The following CAP2 variants were observed in gnomAD, a reference collection of about 807,000 sequenced individuals.
CAP2 encodes the protein cyclase associated actin cytoskeleton regulatory protein 2.
Under a neutral mutation model 57.7 loss-of-function variants are expected in CAP2, and 24 were observed. The observed-to-expected ratio is 0.42, with a 90% confidence interval of 0.30 to 0.58. The LOEUF (loss-of-function observed/expected upper bound fraction) is 0.58, where lower values mean the gene tolerates loss of function less well. CAP2 is among the 20% of genes least tolerant of loss of function. The pLI is 0.22. For missense variants in CAP2, 501 were observed against 590.3 expected, an observed-to-expected ratio of 0.85 and a Z score of 1.57; for synonymous variants, 194 against 207.2, an observed-to-expected ratio of 0.94 and a Z score of 0.55.
rs187505558 is a variant in CAP2 at position 17,483,874 on chromosome 6, C to T, written c.300+20801C>T. On this transcript the variant is annotated intron_variant, in intron 4 of 12. Coordinates refer to ENST00000229922, the MANE Select transcript of CAP2 (RefSeq NM_006366.3). ...AAGGAGCACTCATGAACTCTGCACA[C>T]GAGCACCCTGAAAAAACCCAGAGGA... 1.1e-3 allele frequency among the ~76,000 whole-genome samples: 172 copies of T among 152,076 alleles called. 1 individual carries two copies. In the Middle Eastern group the frequency reaches 0.027, roughly 24 times the overall value.
chr6:17,483,319 A>C (rs1273013350), intron 4 of CAP2, among the ~76,000 whole-genome samples: 1 of 152,160 alleles, frequency 6.6e-6, no homozygotes, highest in African/African-American at 2.4e-5. Context: ...GCATTCAGCA[A>C]TTTTCTTGAT....
chr6:17,524,074 CAAAAAAAAAAA>C (rs10523029), intron 7 of CAP2, among the ~76,000 whole-genome samples: 49,939 of 119,498 alleles, frequency 0.42, 10,467 homozygotes, highest in Non-Finnish European at 0.51. Context: ...GACTCTGTCT[CAAAAAAAAAAA>C]AAAAAAAAAA....
intron 4 of CAP2, among the ~76,000 whole-genome samples, chr6:17,479,599 G>C (rs1026575523): frequency 2.0e-5 from 3 of 148,264 alleles, no homozygotes; most frequent in African/African-American, 7.7e-5. Context: ...AAAAAGATCT[G>C]CTTTTTAATT....
At chr6:17,455,787 G>A (rs575676865) in intron 3 of CAP2, among the ~76,000 whole-genome samples, 15 of 152,058 alleles carry the variant, frequency 9.9e-5, no homozygotes, top group Admixed American at 8.5e-4. Flanking sequence ...TGCCCTCCTC[G>A]GCCTCCCAAA....
rs1009679812 is a variant in CAP2, at chr6:17,512,501, C to G, written c.531-1348C>G. On this transcript the variant is annotated intron_variant, in intron 6 of 12. Transcript: ENST00000229922. ...ATGTACATACACATATAAACATAGACATATGTGTGTACATTTATATTGAAG... is the reference window on the plus strand; with the variant it reads ...ATGTACATACACATATAAACATAGAGATATGTGTGTACATTTATATTGAAG... Among the ~76,000 whole-genome samples, 5 of 152,220 alleles carry G rather than the reference C, an allele frequency of 3.3e-5. No individual in the cohort carries two copies. The Middle Eastern group carries it at 0.017, about 518-fold the overall frequency.
At chr6:17,487,095 T>G (rs1000665641) in intron 4 of CAP2, among the ~76,000 whole-genome samples, 9 of 152,150 alleles carry the variant, frequency 5.9e-5, no homozygotes, top group Admixed American at 3.9e-4. Flanking sequence ...ACTCAGCACT[T>G]AATTGCTGAG....
chr6:17,396,326 C>T (rs1758662487), intron 1 of CAP2, among the ~76,000 whole-genome samples: 1 of 152,062 alleles, frequency 6.6e-6, no homozygotes, highest in Admixed American at 6.6e-5. Flanking sequence ...AAAACATATG[C>T]TCACAAAAAA....
chr6:17,516,606 T>C (rs1399954843), intron 7 of CAP2, among the ~76,000 whole-genome samples: 1 of 152,142 alleles, frequency 6.6e-6, no homozygotes, highest in Non-Finnish European at 1.5e-5. Context: ...CAAAAACATA[T>C]GGAAATCAAA....
At chr6:17,464,831 G>C (rs900446318) in intron 4 of CAP2, among the ~76,000 whole-genome samples, 1 of 152,196 alleles carries the variant, frequency 6.6e-6, no homozygotes, top group Non-Finnish European at 1.5e-5. Flanking sequence ...ATCACAAAGC[G>C]ATGTGTTGTA....
intron 1 of CAP2, among the ~76,000 whole-genome samples, chr6:17,418,874 TC>T (rs1759356579): frequency 1.3e-5 from 2 of 152,176 alleles, no homozygotes; most frequent in Non-Finnish European, 2.9e-5. Context: ...CATTTCTCTT[TC>T]CTTTTTTTTT....
intron 4 of CAP2, among the ~76,000 whole-genome samples, chr6:17,505,478 C>G (rs571969934): frequency 6.6e-6 from 1 of 152,126 alleles, no homozygotes; most frequent in Admixed American, 6.5e-5. Flanking sequence ...CCCCCGGACC[C>G]GTTAAATCAG....
chr6:17,526,245 G>A (rs1430098948), intron 7 of CAP2, among the ~76,000 whole-genome samples: 3 of 151,834 alleles, frequency 2.0e-5, no homozygotes, highest in Non-Finnish European at 4.4e-5. Context: ...AGCCTCAAGA[G>A]CGGCTGGGAT....
chr6:17,466,172 T>G (rs1282913709), intron 4 of CAP2, among the ~76,000 whole-genome samples: 2 of 152,220 alleles, frequency 1.3e-5, no homozygotes, highest in African/African-American at 4.8e-5. Flanking sequence ...CAGATCGTAT[T>G]TTCTCATAGG....
chr6:17,458,338 T>G (rs1418641041), intron 3 of CAP2, among the ~76,000 whole-genome samples: 2 of 152,172 alleles, frequency 1.3e-5, no homozygotes, highest in Non-Finnish European at 2.9e-5. Context: ...ATACACTAAT[T>G]TAAACAGTCA....
chr6:17,397,054 A>G (rs773332544), intron 1 of CAP2, among the ~76,000 whole-genome samples: 1 of 152,082 alleles, frequency 6.6e-6, no homozygotes, highest in Non-Finnish European at 1.5e-5. Flanking sequence ...GAAAAAAGGT[A>G]TTTATAATCT....
intron 3 of CAP2, among the ~76,000 whole-genome samples, chr6:17,440,614 G>GTGCGT (rs1554122866): frequency 2.1e-5 from 3 of 141,594 alleles, no homozygotes; most frequent in Non-Finnish European, 4.5e-5. Flanking sequence ...AACTGTGTGT[G>GTGCGT]GTGTGTGTGT....
At chr6:17,473,130 G>A (rs570846807) in intron 4 of CAP2, among the ~76,000 whole-genome samples, 6 of 152,098 alleles carry the variant, frequency 3.9e-5, no homozygotes, top group African/African-American at 1.2e-4. Flanking sequence ...AAGGAAGTGA[G>A]GTGGTTATCA....
At position 17,524,040 on chromosome 6, in the gene CAP2, C is replaced by CA. The variant is rs575004284; in HGVS notation, c.636+10087dup. Among the ~76,000 whole-genome samples, 88 of 145,118 alleles carry CA rather than the reference C, an allele frequency of 6.1e-4. 1 individual carries two copies. The highest frequency in any genetic ancestry group is 2.3e-3 in the African/African-American group (86 of 37,918). On this transcript the variant is annotated intron_variant, in intron 7 of 12. Transcript: ENST00000229922. The stretch of plus-strand genomic sequence containing the variant: ...GCAGTGAGCTGAGATCGCGCCACTG[C>CA]ACTCCAGCCTGGTGACAGAGAAAGA...
In CAP2 at chr6:17,557,134, G is replaced by C. The variant is rs538289659; in HGVS notation, c.*692G>C. ...GAAAACTTGCTTTTCTTCTGCATAAGAGATTCTTATGCCAAAAACATTAAA... is the reference window on the plus strand; with the variant it reads ...GAAAACTTGCTTTTCTTCTGCATAACAGATTCTTATGCCAAAAACATTAAA... On this transcript the variant is annotated 3_prime_UTR_variant, in exon 13 of 13. Transcript: ENST00000229922. The C allele has an allele frequency of 2.7e-4, 41 of 151,012 alleles. No homozygotes were observed. Among genetic ancestry groups the C allele is most frequent in the African/African-American group, 8.6e-4 (35 of 40,932 alleles). The allele number at this position is 151,012 out of a possible 1,614,324, so 9.4% of individuals were successfully genotyped here.
Sources: allele counts gnomAD v4.1 joint callset (sites outside exome capture counted in the v4.1 genomes callset), GRCh38; gene constraint gnomAD v4.1.1; transcripts MANE v1.5; gene names NCBI Gene and HGNC (gene_info 2026-07-23, HGNC 2026-07-21).